Variants in ZFP64 observed in about 807,000 individuals in gnomAD.
ZFP64 encodes the protein ZFP64 zinc finger protein, also known as zinc finger protein 64.
Under a neutral mutation model 51.6 loss-of-function variants are expected in ZFP64, and 14 were observed. That is an observed-to-expected ratio of 0.27 (90% confidence interval 0.18 to 0.42). ZFP64 has a LOEUF of 0.42. Among genes scored for constraint, ZFP64 ranks in the 10% least tolerant of loss-of-function variants. ZFP64 has a pLI of 1.00. For missense variants in ZFP64, 754 were observed against 906.8 expected, an observed-to-expected ratio of 0.83 and a Z score of 2.16; for synonymous variants, 375 against 361.4, an observed-to-expected ratio of 1.04 and a Z score of -0.43.
At chr20:52,188,408 G>A (rs1165166603) in intron 1 of ZFP64, among the ~76,000 whole-genome samples, 25 of 141,262 alleles carry the variant, frequency 1.8e-4, no homozygotes, top group Admixed American at 1.3e-3. Context: ...TCTGCCTCCC[G>A]GGTTCACGCC....
intron 5 of ZFP64, chr20:52,104,936 G>A: frequency 1.4e-6 from 1 of 690,574 alleles, no homozygotes; most frequent in Non-Finnish European, 2.5e-6. Context: ...GCGGGGAAGG[G>A]GACGGTGGAC....
chr20:52,138,505 A>G (rs988988984), intron 5 of ZFP64, among the ~76,000 whole-genome samples: 6 of 152,118 alleles, frequency 3.9e-5, no homozygotes, highest in Non-Finnish European at 5.9e-5. Flanking sequence ...AAGACTTAGA[A>G]TGTTATTATG....
chr20:52,100,094 C>T (rs6123126), intron 5 of ZFP64, among the ~76,000 whole-genome samples: 104,866 of 152,048 alleles, frequency 0.69, 36,305 homozygotes, highest in African/African-American at 0.72. Flanking sequence ...CCCGGGTTCA[C>T]GCCATTCTCC....
chr20:52,129,402 GC>G (rs1979613120), intron 5 of ZFP64, among the ~76,000 whole-genome samples: 1 of 151,780 alleles, frequency 6.6e-6, no homozygotes, highest in African/African-American at 2.4e-5. Flanking sequence ...CAGGCAGTCT[GC>G]CTGCCTGGGC....
In ZFP64 at chr20:52,152,470, G is replaced by C. The variant is rs752353435; in HGVS notation, c.1722C>G (p.His574Gln). The C allele has an allele frequency of 2.5e-6, 4 of 1,613,178 alleles. No individual in the cohort carries two copies. In the South Asian group the frequency reaches 4.4e-5, roughly 18 times the overall value. Residue 574 changes from histidine to glutamine, a missense_variant, in exon 6 of 6, where the codon CAC (histidine) becomes CAG (glutamine). Around this residue, in one of 3 missense-constraint regions of ZFP64, gnomAD observed 428 missense variants for 472.4 expected, o/e 0.91. Coordinates refer to ENST00000216923, the MANE Select transcript of ZFP64 (RefSeq NM_018197.3). Reference protein sequence around the residue: ...MTQPAVLLTTHEQTDGATLHQ... With the variant: ...MTQPAVLLTTQEQTDGATLHQ... The stretch of plus-strand genomic sequence containing the variant: ...GCAGAGTGGCTCCGTCCGTCTGCTC[G>C]TGGGTGGTCAGCAGGACAGCCGGCT...
intron 7 of ZFP64, among the ~76,000 whole-genome samples, chr20:52,093,827 T>C (rs964550251): frequency 6.6e-6 from 1 of 152,190 alleles, no homozygotes; most frequent in African/African-American, 2.4e-5. Flanking sequence ...CGGTGCAGCT[T>C]GGGTTCCTGC....
At chr20:52,175,401 G>C (rs1275199885) in intron 2 of ZFP64, among the ~76,000 whole-genome samples, 1 of 152,226 alleles carries the variant, frequency 6.6e-6, no homozygotes, top group Non-Finnish European at 1.5e-5. Flanking sequence ...GGGAGTCCAG[G>C]CAAGCGCCAC....
chr20:52,108,862 AC>A (rs1307065049), intron 5 of ZFP64, among the ~76,000 whole-genome samples: 9 of 7,840 alleles, frequency 1.1e-3, no homozygotes, highest in Admixed American at 3.9e-3. Flanking sequence ...AAAATCTGAA[AC>A]ACACACACAC....
chr20:52,116,122 C>T (rs1978855170), intron 5 of ZFP64, among the ~76,000 whole-genome samples: 2 of 151,466 alleles, frequency 1.3e-5, no homozygotes, highest in Admixed American at 6.6e-5. Flanking sequence ...GCATGAGCCA[C>T]AGCACCACGT....
intron 5 of ZFP64, among the ~76,000 whole-genome samples, chr20:52,130,084 C>A (rs1386341599): frequency 6.6e-6 from 1 of 152,170 alleles, no homozygotes. Context: ...AGTCTTTGTT[C>A]CAATCTCAAC....
At chr20:52,165,839 A>C (rs1476135670) in intron 3 of ZFP64, 25 bp downstream of exon 3, 12 of 1,613,910 alleles carry the variant, frequency 7.4e-6, no homozygotes, top group Non-Finnish European at 9.3e-6. Flanking sequence ...CCCTCTACAC[A>C]AGTAGGACAT....
chr20:52,130,250 A>G (rs1465782042), intron 5 of ZFP64, among the ~76,000 whole-genome samples: 1 of 152,032 alleles, frequency 6.6e-6, no homozygotes, highest in Non-Finnish European at 1.5e-5. Flanking sequence ...ATCTTGCTCT[A>G]TCACCTAGGC....
intron 4 of ZFP64, among the ~76,000 whole-genome samples, chr20:52,161,471 T>TTTTTTTTTTTC (rs1981802370): frequency 8.4e-6 from 1 of 119,684 alleles, no homozygotes; most frequent in African/African-American, 2.7e-5. Context: ...TTTTTTTTTT[T>TTTTTTTTTTTC]GCCAAATACT....
In ZFP64 at chr20:52,138,059, A is replaced by ATAAATT. The variant is rs1568671776; in HGVS notation, c.763+22063_763+22064insAATTTA. ...TAAATAAATAAATAAATAAATAAGC[A>ATAAATT]AGCCAGGCATGGAGGCACACATCTG... On this transcript the variant is annotated intron_variant, in intron 5 of 8. Coordinates refer to the ZFP64 transcript ENST00000361387. Among the ~76,000 whole-genome samples, 561 of 132,352 alleles carry ATAAATT rather than the reference A, an allele frequency of 4.2e-3. 5 individuals carry two copies. Among genetic ancestry groups the ATAAATT allele is most frequent in the African/African-American group, 0.013 (413 of 30,620 alleles). 86.8% of individuals were successfully genotyped at this position (132,352 alleles called of 152,430 possible).
chr20:52,165,662 T>G, intron 3 of ZFP64: 1 of 763,006 alleles, frequency 1.3e-6, no homozygotes. Context: ...GCTAGAAAAG[T>G]CTTAGAACCC....
At chr20:52,105,991 T>A (rs1600712597) in intron 5 of ZFP64, among the ~76,000 whole-genome samples, 1 of 152,162 alleles carries the variant, frequency 6.6e-6, no homozygotes, top group East Asian at 1.9e-4. Flanking sequence ...ATGAGGAGTG[T>A]CTCCAACTGC....
At chr20:52,131,044 C>T (rs540875596) in intron 5 of ZFP64, among the ~76,000 whole-genome samples, 55 of 151,016 alleles carry the variant, frequency 3.6e-4, no homozygotes, top group South Asian at 8.4e-4. Flanking sequence ...CCAGCCTGGG[C>T]GACAGAGCAA....
At chr20:52,164,447 G>C (rs1056466691) in intron 4 of ZFP64, among the ~76,000 whole-genome samples, 1 of 152,156 alleles carries the variant, frequency 6.6e-6, no homozygotes, top group Non-Finnish European at 1.5e-5. Context: ...CAAAATGGCT[G>C]TAACAGTTCA....
chr20:52,176,093 G>A (rs1983186890), intron 2 of ZFP64: 3 of 357,572 alleles, frequency 8.4e-6, no homozygotes, highest in Non-Finnish European at 1.2e-5. Flanking sequence ...GGCCAATCGA[G>A]TCTCTTGCTC....
Sources: allele counts gnomAD v4.1 joint callset (sites outside exome capture counted in the v4.1 genomes callset), GRCh38; gene constraint gnomAD v4.1.1; regional missense constraint gnomAD v4.1.1; transcripts MANE v1.5; gene names NCBI Gene and HGNC (gene_info 2026-07-23, HGNC 2026-07-21).